LRRC69: variants seen among roughly 807,000 people sequenced by gnomAD.
LRRC69 encodes the protein leucine-rich repeat-containing protein 69.
Under a neutral mutation model 37.8 loss-of-function variants are expected in LRRC69, and 42 were observed. The observed-to-expected ratio is 1.11, with a 90% CI of 0.87 to 1.44. LRRC69 has a LOEUF of 1.44. LRRC69 is among the 40% of genes most tolerant of loss of function. LRRC69 has a pLI of 0.00. For missense variants in LRRC69, 357 were observed against 401.9 expected, an observed-to-expected ratio of 0.89 and a Z score of 0.96; for synonymous variants, 141 against 143.1, an observed-to-expected ratio of 0.99 and a Z score of 0.11.
At chr8:91,160,828 TAAA>T (rs1012425262) in intron 5 of LRRC69, among the ~76,000 whole-genome samples, 1 of 151,234 alleles carries the variant, frequency 6.6e-6, no homozygotes, top group Non-Finnish European at 1.5e-5. Context: ...ATAAGAGTGG[TAAA>T]AAATAGGCAT....
intron 4 of LRRC69, among the ~76,000 whole-genome samples, chr8:91,133,635 T>C (rs1411235568): frequency 6.6e-6 from 1 of 152,050 alleles, no homozygotes; most frequent in Non-Finnish European, 1.5e-5. Flanking sequence ...GTTTGGTATT[T>C]CTTTCTTTCT....
intron 5 of LRRC69, among the ~76,000 whole-genome samples, chr8:91,169,294 T>C (rs1809083490): frequency 6.6e-6 from 1 of 152,030 alleles, no homozygotes; most frequent in Admixed American, 6.6e-5. Flanking sequence ...AAAAACTCTC[T>C]ATCAAGTACT....
rs868170228 is a variant in LRRC69 at position 91,150,069 on chromosome 8, C to T, written c.651+14330C>T. ...ACTTCCTCTTTTCCTAATTGAATACCCTTTATTTCCTTCTCCTGCCTGATT... is the reference window on the plus strand; with the variant it reads ...ACTTCCTCTTTTCCTAATTGAATACTCTTTATTTCCTTCTCCTGCCTGATT... On this transcript the variant is annotated intron_variant, in intron 5 of 7. Transcript: ENST00000448384. 5.5e-3 allele frequency among the ~76,000 whole-genome samples: 828 copies of T among 151,906 alleles called. 11 individuals carry two copies. The highest frequency in any genetic ancestry group is 0.019 in the African/African-American group (803 of 41,456).
At chr8:91,205,760 A>C in intron 7 of LRRC69, among the ~76,000 whole-genome samples, 1 of 152,172 alleles carries the variant, frequency 6.6e-6, no homozygotes, top group Non-Finnish European at 1.5e-5. Flanking sequence ...TGTGCTTAAG[A>C]CAAAAAAATA....
chr8:91,143,618 T>C (rs909012463), intron 5 of LRRC69, among the ~76,000 whole-genome samples: 1 of 152,018 alleles, frequency 6.6e-6, no homozygotes, highest in East Asian at 1.9e-4. Flanking sequence ...CCTCATACAA[T>C]GTTGTCATGA....
intron 5 of LRRC69, among the ~76,000 whole-genome samples, chr8:91,162,661 T>A (rs890893189): frequency 2.6e-4 from 40 of 151,366 alleles, no homozygotes; most frequent in Non-Finnish European, 5.2e-4. Flanking sequence ...GTAAGTGAGT[T>A]TTTTGTAGGC....
chr8:91,133,885 G>A (rs574856771), intron 4 of LRRC69, among the ~76,000 whole-genome samples: 2 of 152,044 alleles, frequency 1.3e-5, no homozygotes, highest in South Asian at 4.2e-4. Flanking sequence ...GCCCACCTCG[G>A]CCTCCCAAAG....
chr8:91,115,403 A>G (rs71528766), intron 1 of LRRC69, among the ~76,000 whole-genome samples: 8,037 of 152,076 alleles, frequency 0.053, 304 homozygotes, highest in Middle Eastern at 0.17. Flanking sequence ...ATACATGCAT[A>G]GTCAGTAGTG....
intron 7 of LRRC69, among the ~76,000 whole-genome samples, chr8:91,207,949 G>A (rs1459766218): frequency 6.6e-6 from 1 of 152,178 alleles, no homozygotes; most frequent in Admixed American, 6.5e-5. Context: ...GCCAGGAGGG[G>A]TTGGCTTCTC....
At chr8:91,120,036 G>A (rs1191569258) in intron 1 of LRRC69, among the ~76,000 whole-genome samples, 1 of 151,778 alleles carries the variant, frequency 6.6e-6, no homozygotes, top group Admixed American at 6.6e-5. Context: ...TCTTGGGGGT[G>A]GGGGGGAACT....
At chr8:91,156,059 G>C (rs1481763570) in intron 5 of LRRC69, among the ~76,000 whole-genome samples, 1 of 148,978 alleles carries the variant, frequency 6.7e-6, no homozygotes, top group Non-Finnish European at 1.5e-5. Context: ...GATTTCCTTT[G>C]GAAATAGTAG....
chr8:91,134,078 AGACT>A (rs1486396992), intron 4 of LRRC69, among the ~76,000 whole-genome samples: 1 of 150,758 alleles, frequency 6.6e-6, no homozygotes, highest in Non-Finnish European at 1.5e-5. Context: ...TCTGCTTGGG[AGACT>A]GACCTGTGTG....
At chr8:91,115,901 C>G (rs1221965500) in intron 1 of LRRC69, among the ~76,000 whole-genome samples, 3 of 151,842 alleles carry the variant, frequency 2.0e-5, no homozygotes, top group Non-Finnish European at 4.4e-5. Flanking sequence ...GAGATCCTGC[C>G]AATCCCACTC....
chr8:91,163,950 C>T (rs1808987607), intron 5 of LRRC69, among the ~76,000 whole-genome samples: 4 of 151,388 alleles, frequency 2.6e-5, no homozygotes, highest in Admixed American at 2.6e-4. Flanking sequence ...AAAAATTCAG[C>T]TCTTGACTGA....
At chr8:91,103,156 T>TA (rs1813250731) in intron 1 of LRRC69, among the ~76,000 whole-genome samples, 1 of 152,176 alleles carries the variant, frequency 6.6e-6, no homozygotes, top group Admixed American at 6.5e-5. Context: ...CTGGATCTGG[T>TA]CGTCTATCTT....
At chr8:91,147,305 A>G (rs529764601) in intron 5 of LRRC69, among the ~76,000 whole-genome samples, 69 of 148,148 alleles carry the variant, frequency 4.7e-4, no homozygotes, top group Non-Finnish European at 8.5e-4. Flanking sequence ...TATTATATAT[A>G]TTTTGATTCA....
intron 6 of LRRC69, among the ~76,000 whole-genome samples, chr8:91,196,493 A>G (rs1217876162): frequency 1.3e-5 from 2 of 152,084 alleles, no homozygotes; most frequent in Non-Finnish European, 2.9e-5. Context: ...AAGCAGACGT[A>G]GATTTGGTCT....
chr8:91,152,266 G>A (rs1215817567), intron 5 of LRRC69, among the ~76,000 whole-genome samples: 1 of 151,486 alleles, frequency 6.6e-6, no homozygotes, highest in Non-Finnish European at 1.5e-5. Flanking sequence ...ATGGTTTTTG[G>A]TTTTATATTT....
At chr8:91,216,565 C>A (rs914066421) in intron 7 of LRRC69, among the ~76,000 whole-genome samples, 1 of 151,986 alleles carries the variant, frequency 6.6e-6, no homozygotes, top group Admixed American at 6.6e-5. Flanking sequence ...TTCAATAGTT[C>A]TTTAATTCTA....
Sources: gnomAD v4.1 joint callset for allele counts (sites outside exome capture counted in the v4.1 genomes callset) on GRCh38, gnomAD v4.1.1 for gene constraint, MANE v1.5 for transcripts, NCBI Gene and HGNC (gene_info 2026-07-23, HGNC 2026-07-21) for gene names.